PWP1: variants seen among roughly 807,000 people sequenced by gnomAD.
PWP1 encodes periodic tryptophan protein 1 homolog.
In PWP1, 47 loss-of-function variants were observed where a neutral mutation model predicts 69.9. The observed-to-expected ratio is 0.67, with a 90% confidence interval of 0.53 to 0.86. PWP1 has a LOEUF of 0.86. Among genes scored for constraint, PWP1 ranks in the 40% least tolerant of loss-of-function variants. The pLI is 0.00. For synonymous variants in PWP1, 222 were observed against 208.2 expected (o/e 1.07, Z -0.57); for missense variants, 551 against 608.8 (o/e 0.91, Z 1.00).
chr12:107,705,175 A>C (rs1473735857), intron 11 of PWP1, among the ~76,000 whole-genome samples: 1 of 152,116 alleles, frequency 6.6e-6, no homozygotes, highest in African/African-American at 2.4e-5. Context: ...AATAGGAAAA[A>C]AAGTATAAGA....
intron 11 of PWP1, 52 bp downstream of exon 11, chr12:107,704,799 T>A (rs773832364): frequency 1.4e-6 from 2 of 1,409,610 alleles, no homozygotes; most frequent in Non-Finnish European, 2.0e-6. Context: ...AATGACTTTT[T>A]AAATTCCATA....
chr12:107,708,863 C>CTT, intron 11 of PWP1, 63 bp from the exon 12 acceptor site: 1 of 1,440,108 alleles, frequency 6.9e-7, no homozygotes, highest in Admixed American at 1.7e-5. Flanking sequence ...ATGACTTAGA[C>CTT]TTTTTACCCA....
chr12:107,691,251 A>G (rs1359349341), intron 3 of PWP1, among the ~76,000 whole-genome samples: 1 of 152,186 alleles, frequency 6.6e-6, no homozygotes, highest in Admixed American at 6.5e-5. Context: ...AAGGAGGGGA[A>G]ATGCTCGGCA....
At chr12:107,710,847 A>G (rs1889937573) in intron 14 of PWP1, among the ~76,000 whole-genome samples, 1 of 152,228 alleles carries the variant, frequency 6.6e-6, no homozygotes, top group Non-Finnish European at 1.5e-5. Context: ...ACAAGATCAG[A>G]TGTAATTGGT....
rs574987695 is a variant in PWP1, at chr12:107,688,258, C to T, written c.73-190C>T. Among the ~76,000 whole-genome samples the T allele has an allele frequency of 1.9e-4, 28 of 151,126 alleles. No homozygotes were observed. The South Asian group carries it at 3.4e-3, about 18-fold the overall frequency. On this transcript the variant is annotated intron_variant, in intron 1 of 14. Coordinates refer to ENST00000412830, the MANE Select transcript of PWP1 (RefSeq NM_007062.3). ...GCATGATTTTTGAAGTTTCAGGTAGCGAGAGATCTTATTTGTAAGAATCTA... is the reference window on the plus strand; with the variant it reads ...GCATGATTTTTGAAGTTTCAGGTAGTGAGAGATCTTATTTGTAAGAATCTA...
intron 3 of PWP1, among the ~76,000 whole-genome samples, chr12:107,690,031 T>C (rs1459906534): frequency 1.3e-5 from 2 of 152,238 alleles, no homozygotes; most frequent in African/African-American, 2.4e-5. Context: ...AGTTATTTAC[T>C]TAACTTGTAA....
chr12:107,692,925 T>G (rs1389297447), intron 4 of PWP1, 26 bp downstream of exon 4: 2 of 1,613,036 alleles, frequency 1.2e-6, no homozygotes, highest in African/African-American at 2.7e-5. Flanking sequence ...TTTTTTCTAA[T>G]TATGCTCTTA....
chr12:107,686,168 G>A (rs1484211272), intron 1 of PWP1, 197 bp downstream of exon 1: 6 of 622,514 alleles, frequency 9.6e-6, no homozygotes, highest in Non-Finnish European at 1.7e-5. Flanking sequence ...GAGAGTCAAG[G>A]GCCGCGCCTT....
intron 3 of PWP1, among the ~76,000 whole-genome samples, chr12:107,690,697 A>C (rs1889463663): frequency 6.6e-6 from 1 of 152,174 alleles, no homozygotes; most frequent in South Asian, 2.1e-4. Context: ...TCCTGACCTC[A>C]TGATCCGCCT....
chr12:107,685,942 TGC>T lies in PWP1; in HGVS notation c.45_46del (p.Cys15TrpfsTer14), dbSNP rs1889353791. On this transcript the variant is annotated frameshift_variant, in exon 1 of 15. Transcript: ENST00000412830. LOFTEE classifies it high-confidence loss of function. ...GGTGACGTGCGTGGCCTGGGTCCGC[TGC>T]GGCGTGGCCAAAGAGACACCAGACA... ...RQVTCVAWVR[C>X]GVAKETPDKV... 6.2e-7 allele frequency: 1 copy of T among 1,613,772 alleles called. No homozygotes were observed. Among genetic ancestry groups the T allele is most frequent in the African/African-American group, 1.3e-5 (1 of 74,898 alleles).
chr12:107,710,947 T>C (rs1344792094), intron 14 of PWP1, among the ~76,000 whole-genome samples: 1 of 152,172 alleles, frequency 6.6e-6, no homozygotes, highest in East Asian at 1.9e-4. Context: ...GGGGAGACCC[T>C]AACCCAGTGG....
chr12:107,701,912 A>G (rs1889718758), intron 8 of PWP1, among the ~76,000 whole-genome samples: 1 of 152,152 alleles, frequency 6.6e-6, no homozygotes, highest in Non-Finnish European at 1.5e-5. Flanking sequence ...TCCGGACCTC[A>G]AGTGATCTGC....
rs1889974539 is a variant in PWP1, at chr12:107,712,411, G to GTAAGGCTCTTGTTGCATTTCTTAA, written c.*192_*215dup. The stretch of plus-strand genomic sequence containing the variant: ...TGCTTGCTCTTCAGATGGATGGTTT[G>GTAAGGCTCTTGTTGCATTTCTTAA]TAAGGCTCTTGTTGCATTTCTTAAA... On this transcript the variant is annotated 3_prime_UTR_variant, in exon 15 of 15. Transcript: ENST00000412830. The GTAAGGCTCTTGTTGCATTTCTTAA allele has an allele frequency of 1.5e-5, 7 of 478,912 alleles. No homozygotes were observed. In the East Asian group the frequency reaches 2.2e-4, roughly 15 times the overall value. The allele number at this position is 478,912 out of a possible 1,614,324, so 29.7% of individuals were successfully genotyped here. A position where few individuals can be genotyped will look rare whatever the true frequency, so the allele number is the denominator to read the frequency against.
At chr12:107,705,368 AAG>A (rs1437396478) in intron 11 of PWP1, among the ~76,000 whole-genome samples, 1 of 151,852 alleles carries the variant, frequency 6.6e-6, no homozygotes, top group Non-Finnish European at 1.5e-5. Flanking sequence ...AAAGGTGAGA[AAG>A]AGTTTTTTTT....
At chr12:107,691,542 A>G (rs970638914) in intron 3 of PWP1, among the ~76,000 whole-genome samples, 4 of 152,164 alleles carry the variant, frequency 2.6e-5, no homozygotes, top group Non-Finnish European at 5.9e-5. Context: ...GCCAGAAGCA[A>G]TGAGGGCCTG....
At chr12:107,710,649 T>C in intron 14 of PWP1, 139 bp downstream of exon 14, 1 of 1,353,074 alleles carries the variant, frequency 7.4e-7, no homozygotes, top group Non-Finnish European at 9.7e-7. Flanking sequence ...CAGCCTTCTG[T>C]ATAGCTGGGA....
At chr12:107,710,320 T>C in intron 13 of PWP1, 85 bp from the exon 14 acceptor site, 2 of 1,542,316 alleles carry the variant, frequency 1.3e-6, no homozygotes, top group South Asian at 1.2e-5. Context: ...ATTTAAATCA[T>C]AGATTCTTAG....
In PWP1 at chr12:107,709,721, C is replaced by G. The variant is rs975419268; in HGVS notation, c.1290+489C>G. ...TATTTACTGAGCACCTACTGTATGC[C>G]AACCACTGAGTTATATAAGTTAGAC... is the stretch of plus-strand genomic sequence containing the variant. On this transcript the variant is annotated intron_variant, in intron 13 of 14. Coordinates refer to ENST00000412830, the MANE Select transcript of PWP1 (RefSeq NM_007062.3). 7.9e-5 allele frequency among the ~76,000 whole-genome samples: 12 copies of G among 152,102 alleles called. 1 individual carries two copies. The East Asian group carries it at 2.1e-3, about 27-fold the overall frequency.
intron 11 of PWP1, among the ~76,000 whole-genome samples, chr12:107,708,523 T>C (rs546142043): frequency 1.1e-4 from 17 of 152,340 alleles, no homozygotes; most frequent in African/African-American, 3.8e-4. Context: ...ACTGGTCGAT[T>C]TGACTGTTGG....
Sources: gnomAD v4.1 joint callset for allele counts (sites outside exome capture counted in the v4.1 genomes callset) on GRCh38, gnomAD v4.1.1 for gene constraint, MANE v1.5 for transcripts, NCBI Gene and HGNC (gene_info 2026-07-23, HGNC 2026-07-21) for gene names.